Variants in PABPC1L2B observed in about 807,000 individuals in gnomAD.
The protein encoded by PABPC1L2B is poly(A) binding protein cytoplasmic 1 like 2B, also known as polyadenylate-binding protein 1-like 2.
For missense variants in PABPC1L2B, 5 were observed against 16.4 expected (o/e 0.30, Z 1.20); for synonymous variants, 7 against 7.1 (o/e 0.99, Z 0.02).
At position 73,003,612 on chromosome X, in the gene PABPC1L2B, C is replaced by T. The variant is rs1458251858; in HGVS notation, c.-31C>T. ...CGGATGCAGATGCGGATGAGACCCT[C>T]GGTGACTGTGAGGGGAACCCAGATT... is the stretch of plus-strand genomic sequence containing the variant. On this transcript the variant is annotated 5_prime_UTR_variant, in exon 1 of 1. Transcript: ENST00000373521. 6.5e-6 allele frequency: 2 copies of T among 306,851 alleles called. No individual in the cohort carries two copies. The highest frequency in any genetic ancestry group is 9.2e-6 in the Non-Finnish European group (2 of 217,831). 25.3% of individuals were successfully genotyped at this position (306,851 alleles called of 1,213,427 possible).
rs1774592391 is a variant in PABPC1L2B at position 73,003,599 on chromosome X, C to T, written c.-44C>T. 3 of 306,485 alleles carry T rather than the reference C, an allele frequency of 9.8e-6. No homozygotes were observed. The highest frequency in any genetic ancestry group is 1.3e-4 in the African/African-American group (1 of 7,850). The allele number at this position is 306,485 out of a possible 1,213,427, so 25.3% of individuals were successfully genotyped here. A position where few individuals can be genotyped will look rare whatever the true frequency, so the allele number is the denominator to read the frequency against. ...GCGGCGGCCGCCGCGGATGCAGATG[C>T]GGATGAGACCCTCGGTGACTGTGAG... On this transcript the variant is annotated 5_prime_UTR_variant, in exon 1 of 1. Transcript: ENST00000373521.
At position 73,005,211 on chromosome X, in the gene PABPC1L2B, TAA is replaced by T. The variant is rs2055180864; in HGVS notation, c.*968_*969del. 1 of 119,371 alleles carries T rather than the reference TAA, an allele frequency of 8.4e-6. No individual in the cohort carries two copies. Among genetic ancestry groups the T allele is most frequent in the Non-Finnish European group, 1.9e-5 (1 of 52,327 alleles). 9.8% of individuals were successfully genotyped at this position (119,371 alleles called of 1,213,427 possible). On this transcript the variant is annotated 3_prime_UTR_variant, in exon 1 of 1. Coordinates refer to ENST00000373521, the MANE Select transcript of PABPC1L2B (RefSeq NM_001042506.2). ...CACTCGTGCCGGCCAGCGCAGCTAG[TAA>T]AGAGTATGCCCGTTTCCCCTGCATA...
In PABPC1L2B at chrX:73,003,504, G is replaced by GCGGAT. The variant is rs2055172802; in HGVS notation, c.-139_-138insCGGAT. On this transcript the variant is annotated 5_prime_UTR_variant, in exon 1 of 1. In the 5' UTR this introduces an upstream ATG that the reference lacks. Transcript: ENST00000373521. ...CGGGGCCCCCCTTGGGGGAGGCGGA[G>GCGGAT]GCGGATGCGGATGCGGATGCGGATG... The GCGGAT allele has an allele frequency of 1.3e-6, 1 of 787,279 alleles. No individual in the cohort carries two copies. The highest frequency in any genetic ancestry group is 1.6e-6 in the Non-Finnish European group (1 of 631,756). The allele number at this position is 787,279 out of a possible 1,213,427, so 64.9% of individuals were successfully genotyped here.
In PABPC1L2B at chrX:73,005,697, A is replaced by G. The variant is rs1447380100; in HGVS notation, c.*1452A>G. The G allele has an allele frequency of 5.7e-5, 7 of 123,226 alleles. No homozygotes were observed. Among genetic ancestry groups the G allele is most frequent in the African/African-American group, 2.3e-4 (7 of 30,820 alleles). 10.2% of individuals were successfully genotyped at this position (123,226 alleles called of 1,213,427 possible). On this transcript the variant is annotated 3_prime_UTR_variant, in exon 1 of 1. Transcript: ENST00000373521. ...TATTCTTGAACTTTCATGTCATTAA[A>G]TATTCTTCTAAAATAGTTTTCATGG... is the stretch of plus-strand genomic sequence containing the variant.
rs4892374 is a variant in PABPC1L2B, at chrX:73,005,754, C to G, written c.*1509C>G. The G allele has an allele frequency of 0.55, 67,051 of 121,017 alleles. 16,408 individuals carry two copies. Among genetic ancestry groups the G allele is most frequent in the Middle Eastern group, 0.79 (169 of 215 alleles). The allele number at this position is 121,017 out of a possible 1,213,427, so 10.0% of individuals were successfully genotyped here. A position where few individuals can be genotyped will look rare whatever the true frequency, so the allele number is the denominator to read the frequency against. On this transcript the variant is annotated 3_prime_UTR_variant, in exon 1 of 1. Coordinates refer to ENST00000373521, the MANE Select transcript of PABPC1L2B (RefSeq NM_001042506.2). ...AGTGCTCTAATATGTGATTGGGCTT[C>G]ATAGAGTGATAGATATATATACATA...
chrX:73,004,319 G>GC lies in PABPC1L2B; in HGVS notation c.*77dup. The GC allele has an allele frequency of 1.4e-3, 1 of 708 alleles. No individual in the cohort carries two copies. 0.1% of individuals were successfully genotyped at this position (708 alleles called of 1,213,427 possible). A position where few individuals can be genotyped will look rare whatever the true frequency, so the allele number is the denominator to read the frequency against. ...CCCGGTTTACAACCCCCCACCCCCAGCCCTCCCCCGCCAACCCACCAGCAG... is the reference window on the plus strand; with the variant it reads ...CCCGGTTTACAACCCCCCACCCCCAGCCCCTCCCCCGCCAACCCACCAGCAG... On this transcript the variant is annotated 3_prime_UTR_variant, in exon 1 of 1. Coordinates refer to ENST00000373521, the MANE Select transcript of PABPC1L2B (RefSeq NM_001042506.2).
In PABPC1L2B at chrX:73,005,284, TGTGCATGC is replaced by T. The variant is rs1452480476; in HGVS notation, c.*1043_*1050del. ...GATCGTGTGTGTGCGTGCGTGCGTGTGTGCATGCGTGTGTGTGTCTTTGTGTGTGTGTC... is the reference window on the plus strand; with the variant it reads ...GATCGTGTGTGTGCGTGCGTGCGTGTGTGTGTGTGTCTTTGTGTGTGTGTC... On this transcript the variant is annotated 3_prime_UTR_variant, in exon 1 of 1. Transcript: ENST00000373521. 1 of 122,371 alleles carries T rather than the reference TGTGCATGC, an allele frequency of 8.2e-6. No individual in the cohort carries two copies. The highest frequency in any genetic ancestry group is 9.6e-5 in the Admixed American group (1 of 10,420). 10.1% of individuals were successfully genotyped at this position (122,371 alleles called of 1,213,427 possible).
rs782231070 is a variant in PABPC1L2B, at chrX:73,005,373, C to G, written c.*1128C>G. The G allele has an allele frequency of 7.3e-5, 9 of 122,543 alleles. No individual in the cohort carries two copies. The highest frequency in any genetic ancestry group is 3.9e-4 in the South Asian group (1 of 2,570). 10.1% of individuals were successfully genotyped at this position (122,543 alleles called of 1,213,427 possible). A position where few individuals can be genotyped will look rare whatever the true frequency, so the allele number is the denominator to read the frequency against. ...TTCCCTGTCCTCAGTGGTTTTGCTGCAATCAAACACTGTTTATTACCCCCT... is the reference window on the plus strand; with the variant it reads ...TTCCCTGTCCTCAGTGGTTTTGCTGGAATCAAACACTGTTTATTACCCCCT... On this transcript the variant is annotated 3_prime_UTR_variant, in exon 1 of 1. Transcript: ENST00000373521.
rs1426086910 is a variant in PABPC1L2B, at chrX:73,005,881, C to G, written c.*1636C>G. 8.9e-6 allele frequency among the ~76,000 whole-genome samples: 1 copy of G among 111,828 alleles called. No homozygotes were observed. The highest frequency in any genetic ancestry group is 1.9e-5 in the Non-Finnish European group (1 of 53,175). ...CAAGCCAAAGCTGCCAACAAGATCA[C>G]AGTGCACAAACATTACATTCATGTT... On this transcript the variant is annotated 3_prime_UTR_variant, in exon 1 of 1. Transcript: ENST00000373521.
rs1288625641 is a variant in PABPC1L2B at position 73,003,484 on chromosome X, C to A, written c.-159C>A. ...CGCCGCCGCAGCGGAGGCTGCGGGG[C>A]CCCCCTTGGGGGAGGCGGAGGCGGA... is the stretch of plus-strand genomic sequence containing the variant. On this transcript the variant is annotated 5_prime_UTR_variant, in exon 1 of 1. Coordinates refer to ENST00000373521, the MANE Select transcript of PABPC1L2B (RefSeq NM_001042506.2). 4 of 562,138 alleles carry A rather than the reference C, an allele frequency of 7.1e-6. No individual in the cohort carries two copies. Among genetic ancestry groups the A allele is most frequent in the African/African-American group, 9.6e-5 (1 of 10,457 alleles). The allele number at this position is 562,138 out of a possible 1,213,427, so 46.3% of individuals were successfully genotyped here.
rs2147907483 is a variant in PABPC1L2B, at chrX:73,005,629, C to T, written c.*1384C>T. The T allele has an allele frequency of 8.2e-6, 1 of 122,685 alleles. No individual in the cohort carries two copies. The highest frequency in any genetic ancestry group is 3.8e-4 in the South Asian group (1 of 2,657). The allele number at this position is 122,685 out of a possible 1,213,427, so 10.1% of individuals were successfully genotyped here. ...ATTGTATATACTGTTTCAATATCTG[C>T]TTTTTCACACAGAAATATATATTAT... On this transcript the variant is annotated 3_prime_UTR_variant, in exon 1 of 1. Transcript: ENST00000373521.
At position 73,005,798 on chromosome X, in the gene PABPC1L2B, A is replaced by C. The variant is rs1556364723; in HGVS notation, c.*1553A>C. On this transcript the variant is annotated 3_prime_UTR_variant, in exon 1 of 1. Transcript: ENST00000373521. ...ATACATATTAGATATAGATATAGGG[A>C]TATATTTGTTTTAAGTAGTTATTGG... The C allele has an allele frequency of 1.6e-5, 2 of 123,108 alleles. No homozygotes were observed. The allele number at this position is 123,108 out of a possible 1,213,427, so 10.1% of individuals were successfully genotyped here. A position where few individuals can be genotyped will look rare whatever the true frequency, so the allele number is the denominator to read the frequency against.
rs1556364749 is a variant in PABPC1L2B at position 73,005,941 on chromosome X, G to A, written c.*1696G>A. On this transcript the variant is annotated 3_prime_UTR_variant, in exon 1 of 1. Transcript: ENST00000373521. ...AACAAAAGTTAATAGTATAATTGAA[G>A]GATGAAAAGATATGGGAGGTTTAAA... Among the ~76,000 whole-genome samples the A allele has an allele frequency of 9.0e-6, 1 of 111,605 alleles. No individual in the cohort carries two copies. The highest frequency in any genetic ancestry group is 3.2e-5 in the African/African-American group (1 of 30,776).
At position 73,006,078 on chromosome X, in the gene PABPC1L2B, G is replaced by C. The variant is rs897329990; in HGVS notation, c.*1833G>C. Among the ~76,000 whole-genome samples the C allele has an allele frequency of 1.5e-4, 17 of 111,514 alleles. 1 individual carries two copies. The highest frequency in any genetic ancestry group is 1.3e-3 in the Admixed American group (14 of 10,492). On this transcript the variant is annotated 3_prime_UTR_variant, in exon 1 of 1. Coordinates refer to ENST00000373521, the MANE Select transcript of PABPC1L2B (RefSeq NM_001042506.2). ...ACCTGGATACCTGTACAGTTTTTGAGACTTGGTATTAAATTATTTATAATT... is the reference window on the plus strand; with the variant it reads ...ACCTGGATACCTGTACAGTTTTTGACACTTGGTATTAAATTATTTATAATT...
Position 73,005,845 on chromosome X carries a change from G to A in PABPC1L2B, c.*1600G>A, listed in dbSNP as rs1352906320. The A allele has an allele frequency of 2.5e-5, 3 of 117,891 alleles. No homozygotes were observed. The highest frequency in any genetic ancestry group is 9.8e-5 in the African/African-American group (3 of 30,713). The allele number at this position is 117,891 out of a possible 1,213,427, so 9.7% of individuals were successfully genotyped here. ...TTGGACGTCTGGGTTGTTTCATTTT[G>A]TTTTCTTATGCAAGCCAAAGCTGCC... is the stretch of plus-strand genomic sequence containing the variant. On this transcript the variant is annotated 3_prime_UTR_variant, in exon 1 of 1. Transcript: ENST00000373521.
Position 73,005,998 on chromosome X carries a change from A to G in PABPC1L2B, c.*1753A>G, listed in dbSNP as rs1402474063. On this transcript the variant is annotated 3_prime_UTR_variant, in exon 1 of 1. Coordinates refer to ENST00000373521, the MANE Select transcript of PABPC1L2B (RefSeq NM_001042506.2). ...TTTTTCCCTTCTTTAGTAAGTGACC[A>G]TTGATAAAGATAGTACCAATTTACC... 9.0e-6 allele frequency among the ~76,000 whole-genome samples: 1 copy of G among 111,706 alleles called. No homozygotes were observed. Among genetic ancestry groups the G allele is most frequent in the Non-Finnish European group, 1.9e-5 (1 of 53,118 alleles).
rs2055173046 is a variant in PABPC1L2B, at chrX:73,003,530, C to G, written c.-113C>G. ...GCGGATGCGGATGCGGATGCGGATG[C>G]GAATGCGAAGGTGGCGGCCGAGGTG... On this transcript the variant is annotated 5_prime_UTR_variant, in exon 1 of 1. Coordinates refer to ENST00000373521, the MANE Select transcript of PABPC1L2B (RefSeq NM_001042506.2). 2.5e-6 allele frequency: 2 copies of G among 789,776 alleles called. No individual in the cohort carries two copies. The highest frequency in any genetic ancestry group is 3.9e-5 in the Admixed American group (1 of 25,854). The allele number at this position is 789,776 out of a possible 1,213,427, so 65.1% of individuals were successfully genotyped here.
chrX:73,003,523 G>T lies in PABPC1L2B; in HGVS notation c.-120G>T, dbSNP rs2055172955. 6 of 785,145 alleles carry T rather than the reference G, an allele frequency of 7.6e-6. No homozygotes were observed. The South Asian group carries it at 2.0e-4, about 26-fold the overall frequency. The allele number at this position is 785,145 out of a possible 1,213,427, so 64.7% of individuals were successfully genotyped here. ...GGCGGAGGCGGATGCGGATGCGGAT[G>T]CGGATGCGAATGCGAAGGTGGCGGC... On this transcript the variant is annotated 5_prime_UTR_variant, in exon 1 of 1. An upstream start codon of the reference 5' UTR is lost. Coordinates refer to ENST00000373521, the MANE Select transcript of PABPC1L2B (RefSeq NM_001042506.2).
At position 73,003,466 on chromosome X, in the gene PABPC1L2B, G is replaced by A. The variant is rs1483534714; in HGVS notation, c.-177G>A. 5.9e-5 allele frequency: 16 copies of A among 272,597 alleles called. No individual in the cohort carries two copies. The highest frequency in any genetic ancestry group is 1.2e-4 in the African/African-American group (1 of 8,466). The allele number at this position is 272,597 out of a possible 1,213,427, so 22.5% of individuals were successfully genotyped here. A position where few individuals can be genotyped will look rare whatever the true frequency, so the allele number is the denominator to read the frequency against. The stretch of plus-strand genomic sequence containing the variant: ...GGGCAGCGCGGCCGAAGCCGCCGCC[G>A]CAGCGGAGGCTGCGGGGCCCCCCTT... On this transcript the variant is annotated 5_prime_UTR_variant, in exon 1 of 1. Transcript: ENST00000373521.
Sources: gnomAD v4.1 joint callset for allele counts (sites outside exome capture counted in the v4.1 genomes callset) on GRCh38, gnomAD v4.1.1 for gene constraint, MANE v1.5 for transcripts, NCBI Gene and HGNC (gene_info 2026-07-23, HGNC 2026-07-21) for gene names.